Variants in NEK7 observed in about 807,000 individuals in gnomAD.
NEK7 encodes the protein serine/threonine-protein kinase Nek7.
Under a neutral mutation model 44.6 loss-of-function variants are expected in NEK7, and 18 were observed. The observed-to-expected ratio is 0.40, with a 90% CI of 0.28 to 0.60. The LOEUF (loss-of-function observed/expected upper bound fraction) is 0.60. Ranked by LOEUF, NEK7 falls within the 20% of genes least tolerant of loss-of-function variation. The pLI is 0.38. For missense variants in NEK7, 256 were observed against 366.5 expected (o/e 0.70, Z 2.46); for synonymous variants, 130 against 121.1 (o/e 1.07, Z -0.48).
At chr1:198,186,755 A>G (rs1664938049) in intron 1 of NEK7, among the ~76,000 whole-genome samples, 1 of 152,334 alleles carries the variant, frequency 6.6e-6, no homozygotes, top group Non-Finnish European at 1.5e-5. Context: ...CTCATACAAC[A>G]CTTGATGAGG....
intron 9 of NEK7, among the ~76,000 whole-genome samples, chr1:198,310,013 C>T (rs1292139018): frequency 6.1e-4 from 93 of 151,504 alleles, no homozygotes; most frequent in Non-Finnish European, 8.6e-4. Context: ...CCTGAGGAAT[C>T]GCCACACTGA....
chr1:198,287,533 A>G (rs966032929), intron 7 of NEK7, among the ~76,000 whole-genome samples: 1 of 152,156 alleles, frequency 6.6e-6, no homozygotes, highest in African/African-American at 2.4e-5. Context: ...TCACATTTTT[A>G]TTATAGGTCT....
intron 1 of NEK7, among the ~76,000 whole-genome samples, chr1:198,208,190 G>C (rs1665653408): frequency 6.6e-6 from 1 of 152,114 alleles, no homozygotes; most frequent in African/African-American, 2.4e-5. Context: ...AGTCTTACTT[G>C]CTTGAGTGCC....
At chr1:198,271,924 TACACACACACACAC>T (rs59463396) in intron 5 of NEK7, among the ~76,000 whole-genome samples, 1 of 134,554 alleles carries the variant, frequency 7.4e-6, no homozygotes, top group African/African-American at 2.8e-5. Flanking sequence ...TATATATATA[TACACACACACACAC>T]ACACATAGAT....
At position 198,311,087 on chromosome 1, in the gene NEK7, A is replaced by G. The variant is rs1173692026; in HGVS notation, c.799-8325A>G. ...ACCCACGAGCATGGAATGTTCTTCCATTTGTTTGTATCCTCTTTTATTTCC... is the reference window on the plus strand; with the variant it reads ...ACCCACGAGCATGGAATGTTCTTCCGTTTGTTTGTATCCTCTTTTATTTCC... On this transcript the variant is annotated intron_variant, in intron 9 of 9. Coordinates refer to ENST00000367385, the MANE Select transcript of NEK7 (RefSeq NM_133494.3). Among the ~76,000 whole-genome samples the G allele has an allele frequency of 2.0e-5, 3 of 149,466 alleles. No individual in the cohort carries two copies. In the Admixed American group the frequency reaches 2.0e-4, roughly 10 times the overall value.
At chr1:198,242,729 TGGGATTACA>T in intron 2 of NEK7, among the ~76,000 whole-genome samples, 2 of 151,992 alleles carry the variant, frequency 1.3e-5, no homozygotes, top group African/African-American at 4.8e-5. Context: ...CACAAAGTGC[TGGGATTACA>T]GGCGTGAGCC....
At chr1:198,192,262 A>G (rs1665101633) in intron 1 of NEK7, among the ~76,000 whole-genome samples, 1 of 137,952 alleles carries the variant, frequency 7.2e-6, no homozygotes, top group Non-Finnish European at 1.6e-5. Context: ...GTAATTTTTT[A>G]TTTATTTTTG....
intron 7 of NEK7, 59 bp downstream of exon 7, chr1:198,279,120 G>T: frequency 9.7e-7 from 1 of 1,026,776 alleles, no homozygotes; most frequent in South Asian, 1.3e-5. Flanking sequence ...TAAAAGATAA[G>T]AGGTATACCA....
chr1:198,159,794 T>C (rs1664044181), intron 1 of NEK7, among the ~76,000 whole-genome samples: 1 of 152,102 alleles, frequency 6.6e-6, no homozygotes, highest in Admixed American at 6.5e-5. Flanking sequence ...ATGATGGCAG[T>C]GTACTAGTAG....
intron 3 of NEK7, among the ~76,000 whole-genome samples, chr1:198,260,737 C>T (rs1021020844): frequency 5.9e-5 from 9 of 151,848 alleles, no homozygotes; most frequent in Non-Finnish European, 1.3e-4. Flanking sequence ...AGTTGCAGAA[C>T]GTAAATTTGA....
intron 2 of NEK7, among the ~76,000 whole-genome samples, chr1:198,242,828 A>T (rs6674342): frequency 0.14 from 20,361 of 141,318 alleles, 2,026 homozygotes; most frequent in East Asian, 0.58. Context: ...TTTGTATTTA[A>T]TTTTTTTTTT....
At chr1:198,301,233 TG>T (rs1275013577) in intron 9 of NEK7, among the ~76,000 whole-genome samples, 2 of 152,236 alleles carry the variant, frequency 1.3e-5, no homozygotes, top group African/African-American at 2.4e-5. Flanking sequence ...GTTGACACAG[TG>T]GTGCCTCAGT....
intron 3 of NEK7, among the ~76,000 whole-genome samples, chr1:198,261,626 C>G (rs1010427337): frequency 3.3e-5 from 5 of 151,802 alleles, no homozygotes; most frequent in Non-Finnish European, 7.4e-5. Flanking sequence ...TGTTATGTAA[C>G]TAGGGTTTTA....
intron 1 of NEK7, among the ~76,000 whole-genome samples, chr1:198,178,584 A>G (rs765559498): frequency 2.0e-5 from 3 of 152,064 alleles, no homozygotes; most frequent in Non-Finnish European, 4.4e-5. Flanking sequence ...ACTTTAGTGT[A>G]ATTGGATCCC....
At position 198,312,956 on chromosome 1, in the gene NEK7, C is replaced by T. The variant is rs145045199; in HGVS notation, c.799-6456C>T. 3.6e-3 allele frequency among the ~76,000 whole-genome samples: 550 copies of T among 152,082 alleles called. 1 individual carries two copies. Among genetic ancestry groups the T allele is most frequent in the Middle Eastern group, 6.8e-3 (2 of 294 alleles). On this transcript the variant is annotated intron_variant, in intron 9 of 9. Transcript: ENST00000367385. ...GAGTTCTGTAGATGTCTATTAGGTC[C>T]GCTTGGTGTAGAGCTGAGTTCAATT...
At chr1:198,272,527 G>A (rs1383850915) in intron 5 of NEK7, among the ~76,000 whole-genome samples, 1 of 151,706 alleles carries the variant, frequency 6.6e-6, no homozygotes, top group Non-Finnish European at 1.5e-5. Flanking sequence ...GTGTTGTCTA[G>A]TATAACATAG....
chr1:198,182,390 A>G (rs1375008383), intron 1 of NEK7, among the ~76,000 whole-genome samples: 4 of 151,890 alleles, frequency 2.6e-5, no homozygotes, highest in African/African-American at 9.7e-5. Context: ...CTTGAACTGG[A>G]GAGAGGGAGA....
intron 1 of NEK7, among the ~76,000 whole-genome samples, chr1:198,162,600 G>A (rs1379334118): frequency 6.6e-6 from 1 of 152,060 alleles, no homozygotes; most frequent in Non-Finnish European, 1.5e-5. Flanking sequence ...AGGACCTTCA[G>A]GGGTGGGAAA....
chr1:198,236,597 T>C (rs927447972), intron 2 of NEK7, among the ~76,000 whole-genome samples: 1 of 152,162 alleles, frequency 6.6e-6, no homozygotes, highest in African/African-American at 2.4e-5. Context: ...CCCTTGCTCC[T>C]ATTTTACTGA....
Sources: gnomAD v4.1 joint callset for allele counts (sites outside exome capture counted in the v4.1 genomes callset) on GRCh38, gnomAD v4.1.1 for gene constraint, MANE v1.5 for transcripts, NCBI Gene and HGNC (gene_info 2026-07-23, HGNC 2026-07-21) for gene names.